The following PTGR2 variants were observed in gnomAD, a reference collection of about 807,000 sequenced individuals.
The protein encoded by PTGR2 is 15-oxoprostaglandin 13-reductase.
PTGR2 carries 32 observed loss-of-function variants against 43.4 expected under a neutral mutation model. The observed-to-expected ratio is 0.74, with a 90% CI of 0.56 to 0.99. The LOEUF is 0.99. Ranked by LOEUF, PTGR2 falls within the 50% of genes least tolerant of loss-of-function variation. The pLI is 0.00. For missense variants in PTGR2, 373 were observed against 420.0 expected, an observed-to-expected ratio of 0.89 and a Z score of 0.98; for synonymous variants, 106 against 139.2, an observed-to-expected ratio of 0.76 and a Z score of 1.68.
At chr14:73,859,209 G>C (rs1184382590) in intron 2 of PTGR2, among the ~76,000 whole-genome samples, 1 of 152,074 alleles carries the variant, frequency 6.6e-6, no homozygotes, top group African/African-American at 2.4e-5. Flanking sequence ...TGTTTCTTTA[G>C]AGTATGTTAT....
At chr14:73,867,255 C>T (rs897341550) in intron 3 of PTGR2, among the ~76,000 whole-genome samples, 4 of 152,036 alleles carry the variant, frequency 2.6e-5, no homozygotes, top group African/African-American at 9.7e-5. Context: ...TACCTGCTCT[C>T]ATTCACTGGA....
chr14:73,879,849 C>T, intron 6 of PTGR2: 2 of 501,988 alleles, frequency 4.0e-6, no homozygotes, highest in South Asian at 2.4e-5. Flanking sequence ...TGCTGATTAC[C>T]AACCATTTAT....
At chr14:73,867,969 T>G (rs997341336) in intron 3 of PTGR2, among the ~76,000 whole-genome samples, 2 of 152,204 alleles carry the variant, frequency 1.3e-5, no homozygotes, top group Admixed American at 1.3e-4. Flanking sequence ...TTGAGACCAA[T>G]CAGCCTTGAC....
intron 9 of PTGR2, among the ~76,000 whole-genome samples, chr14:73,882,793 C>G (rs2055022576): frequency 7.9e-6 from 1 of 126,976 alleles, no homozygotes; most frequent in African/African-American, 2.9e-5. Flanking sequence ...AGCCACCACG[C>G]CTGGCCCTTT....
At chr14:73,880,012 A>T in intron 6 of PTGR2, 43 bp from the exon 7 acceptor site, 1 of 1,603,456 alleles carries the variant, frequency 6.2e-7, no homozygotes, top group Non-Finnish European at 8.5e-7. Flanking sequence ...AAAATCAGTA[A>T]ACATAGGAAA....
intron 3 of PTGR2, among the ~76,000 whole-genome samples, chr14:73,870,972 C>T (rs1251360105): frequency 6.6e-6 from 1 of 152,158 alleles, no homozygotes; most frequent in African/African-American, 2.4e-5. Context: ...TTGGAATCTC[C>T]AAGGTGTCTT....
At position 73,884,851 on chromosome 14, in the gene PTGR2, G is replaced by C. The variant is rs1261040399; in HGVS notation, c.*674G>C. On this transcript the variant is annotated 3_prime_UTR_variant, in exon 10 of 10. Transcript: ENST00000555661. ...ATTTACTCCAGAGGATCATCTCTTTGTATTTGCCAAATAATTTACTGTATA... is the reference window on the plus strand; with the variant it reads ...ATTTACTCCAGAGGATCATCTCTTTCTATTTGCCAAATAATTTACTGTATA... The C allele has an allele frequency of 2.0e-5, 3 of 152,114 alleles. No homozygotes were observed. The East Asian group carries it at 5.8e-4, about 29-fold the overall frequency. The allele number at this position is 152,114 out of a possible 1,614,324, so 9.4% of individuals were successfully genotyped here.
chr14:73,871,971 A>G (rs1341952733), intron 3 of PTGR2, among the ~76,000 whole-genome samples: 1 of 152,200 alleles, frequency 6.6e-6, no homozygotes, highest in Non-Finnish European at 1.5e-5. Context: ...AAGCTTCTGC[A>G]TCAGTTCTCT....
chr14:73,877,107 G>T lies in PTGR2; in HGVS notation c.458G>T (p.Gly153Val). Residue 153 changes from glycine to valine, a missense_variant, in exon 5 of 10, where the codon GGA (glycine) becomes GTA (valine). Physicochemically the swap from Gly to Val is moderately radical, Grantham distance 109. Coordinates refer to ENST00000555661, the MANE Select transcript of PTGR2 (RefSeq NM_001146154.2). ...CAGGAAAAAGGTCATATAACTGCTG[G>T]ATCTAATAAGACAATGGTTGTCAGT... Reference protein sequence around the residue: ...GIQEKGHITAGSNKTMVVSGA... With the variant: ...GIQEKGHITAVSNKTMVVSGA... 6.2e-7 allele frequency: 1 copy of T among 1,614,070 alleles called. No homozygotes were observed. The highest frequency in any genetic ancestry group is 8.5e-7 in the Non-Finnish European group (1 of 1,179,978).
At chr14:73,879,646 A>G (rs949904088) in intron 6 of PTGR2, 1 of 98,894 alleles carries the variant, frequency 1.0e-5, no homozygotes, top group Non-Finnish European at 1.9e-5. Flanking sequence ...CCCCAGACCT[A>G]TGGGTTTCAT....
intron 7 of PTGR2, among the ~76,000 whole-genome samples, chr14:73,880,759 G>T (rs577265735): frequency 6.6e-6 from 1 of 152,134 alleles, no homozygotes; most frequent in Admixed American, 6.5e-5. Context: ...AAAAATTCAC[G>T]GTGCTATTAA....
chr14:73,882,658 G>A (rs1389552618), intron 9 of PTGR2, among the ~76,000 whole-genome samples: 10 of 151,768 alleles, frequency 6.6e-5, no homozygotes, highest in African/African-American at 1.5e-4. Flanking sequence ...CTGCCACCAC[G>A]CCTGGCTAAT....
chr14:73,878,609 G>A (rs1354070424), intron 5 of PTGR2: 12 of 459,912 alleles, frequency 2.6e-5, no homozygotes, highest in South Asian at 8.3e-5. Context: ...GTCAGCCACC[G>A]TATGTGGCTG....
At chr14:73,864,333 G>GTAAGTATA (rs2054556525) in intron 3 of PTGR2, among the ~76,000 whole-genome samples, 1 of 152,190 alleles carries the variant, frequency 6.6e-6, no homozygotes, top group Non-Finnish European at 1.5e-5. Context: ...AGGTCATACA[G>GTAAGTATA]TAAGTATATG....
chr14:73,862,106 T>C (rs1388509500), intron 3 of PTGR2, among the ~76,000 whole-genome samples: 3 of 151,950 alleles, frequency 2.0e-5, no homozygotes, highest in Non-Finnish European at 4.4e-5. Context: ...GTCAAACTGT[T>C]CTTTTTTTTT....
chr14:73,870,947 C>G (rs1003779461), intron 3 of PTGR2, among the ~76,000 whole-genome samples: 13 of 152,200 alleles, frequency 8.5e-5, no homozygotes, highest in Non-Finnish European at 1.6e-4. Flanking sequence ...TGCTGGCACA[C>G]AATTCCTAAA....
intron 6 of PTGR2, chr14:73,879,807 A>C (rs1595370984): frequency 4.5e-6 from 2 of 442,800 alleles, no homozygotes; most frequent in East Asian, 8.7e-5. Flanking sequence ...TCTACCACTA[A>C]TAAGTAGCAA....
At chr14:73,879,991 A>G (rs2054943896) in intron 6 of PTGR2, 64 bp from the exon 7 acceptor site, 4 of 1,527,796 alleles carry the variant, frequency 2.6e-6, no homozygotes, top group African/African-American at 1.4e-5. Context: ...GGCTTCCATT[A>G]TGGCAGCCAT....
chr14:73,883,978 CTATGCTT>C, intron 9 of PTGR2, 116 bp from the exon 10 acceptor site: 1 of 653,716 alleles, frequency 1.5e-6, no homozygotes, highest in Non-Finnish European at 2.6e-6. Flanking sequence ...CCATTTTCTT[CTATGCTT>C]AATATTCAAA....
Sources: gnomAD v4.1 joint callset for allele counts (sites outside exome capture counted in the v4.1 genomes callset) on GRCh38, gnomAD v4.1.1 for gene constraint, MANE v1.5 for transcripts, NCBI Gene and HGNC (gene_info 2026-07-23, HGNC 2026-07-21) for gene names.